RAP2A: variants seen among roughly 807,000 people sequenced by gnomAD.
RAP2A encodes the protein ras-related protein Rap-2a.
Under a neutral mutation model 15.1 loss-of-function variants are expected in RAP2A, and 5 were observed. The observed-to-expected ratio is 0.33, with a 90% CI of 0.17 to 0.70. The LOEUF is 0.70. RAP2A is among the 30% of genes least tolerant of loss of function. The probability of loss-of-function intolerance (pLI) is 0.68; values close to 1 mark genes in which losing one functional copy is unlikely to be tolerated. For missense variants in RAP2A, 111 were observed against 240.3 expected (o/e 0.46, Z 3.56); for synonymous variants, 110 against 99.7 (o/e 1.10, Z -0.62).
intron 1 of RAP2A, among the ~76,000 whole-genome samples, chr13:97,460,000 G>T (rs531561524): frequency 6.6e-6 from 1 of 152,172 alleles, no homozygotes; most frequent in Admixed American, 6.5e-5. Flanking sequence ...ACATCAGGCA[G>T]TTTTCAGTAT....
chr13:97,454,338 C>A (rs1371726558), intron 1 of RAP2A, among the ~76,000 whole-genome samples: 1 of 150,976 alleles, frequency 6.6e-6, no homozygotes, highest in East Asian at 1.9e-4. Context: ...TCAATTAGGC[C>A]CACCATTTTA....
chr13:97,460,673 C>T (rs1184657021), intron 1 of RAP2A, among the ~76,000 whole-genome samples: 1 of 152,180 alleles, frequency 6.6e-6, no homozygotes, highest in African/African-American at 2.4e-5. Flanking sequence ...CCAAATGTTA[C>T]CTTCATATGG....
At chr13:97,440,280 A>G (rs976019568) in intron 1 of RAP2A, among the ~76,000 whole-genome samples, 12 of 151,976 alleles carry the variant, frequency 7.9e-5, no homozygotes, top group African/African-American at 2.9e-4. Flanking sequence ...AGTAGGAAAA[A>G]TTTTTAATAA....
chr13:97,439,661 G>A (rs1343253707), intron 1 of RAP2A, among the ~76,000 whole-genome samples: 1 of 152,150 alleles, frequency 6.6e-6, no homozygotes, highest in Non-Finnish European at 1.5e-5. Context: ...AGGATCATCT[G>A]CGTAGTTCAG....
At chr13:97,443,324 A>G (rs925957755) in intron 1 of RAP2A, among the ~76,000 whole-genome samples, 1 of 152,230 alleles carries the variant, frequency 6.6e-6, no homozygotes, top group African/African-American at 2.4e-5. Context: ...TACTATATTA[A>G]TAATTCAATG....
chr13:97,442,214 T>G (rs937418992), intron 1 of RAP2A, among the ~76,000 whole-genome samples: 4 of 152,096 alleles, frequency 2.6e-5, no homozygotes, highest in African/African-American at 9.7e-5. Flanking sequence ...AAAACAATAT[T>G]TGAAGATTCT....
At chr13:97,453,534 C>G (rs1640390265) in intron 1 of RAP2A, among the ~76,000 whole-genome samples, 2 of 151,282 alleles carry the variant, frequency 1.3e-5, no homozygotes, top group African/African-American at 4.9e-5. Context: ...GAGATTCATC[C>G]AAGGTGTTGT....
chr13:97,459,872 C>T (rs560345270), intron 1 of RAP2A, among the ~76,000 whole-genome samples: 1 of 152,256 alleles, frequency 6.6e-6, no homozygotes, highest in Non-Finnish European at 1.5e-5. Context: ...TTTGCTTTGT[C>T]CATTGATGTA....
At chr13:97,448,495 T>G (rs1236884683) in intron 1 of RAP2A, among the ~76,000 whole-genome samples, 1 of 152,166 alleles carries the variant, frequency 6.6e-6, no homozygotes, top group East Asian at 1.9e-4. Context: ...AAAGTCATCA[T>G]CATCATCTTC....
rs577008423 is a variant in RAP2A, at chr13:97,441,272, A to G, written c.314+6488A>G. On this transcript the variant is annotated intron_variant, in intron 1 of 1. Coordinates refer to ENST00000245304, the MANE Select transcript of RAP2A (RefSeq NM_021033.7). Reference sequence around the variant, plus strand: ...GATAATTGTATCAATAAAATCTACAATAAGGAATAATTATACTAATACTTA... The same window carrying G: ...GATAATTGTATCAATAAAATCTACAGTAAGGAATAATTATACTAATACTTA... Among the ~76,000 whole-genome samples, 32 of 152,288 alleles carry G rather than the reference A, an allele frequency of 2.1e-4. 1 individual carries two copies. Among genetic ancestry groups the G allele is most frequent in the African/African-American group, 2.2e-4 (9 of 41,574 alleles).
chr13:97,454,251 C>G (rs986705976), intron 1 of RAP2A, among the ~76,000 whole-genome samples: 1 of 150,860 alleles, frequency 6.6e-6, no homozygotes, highest in African/African-American at 2.4e-5. Context: ...GGATGTAGGT[C>G]TTTTTAAAAA....
intron 1 of RAP2A, among the ~76,000 whole-genome samples, chr13:97,459,174 TACTC>T (rs2066736135): frequency 6.6e-6 from 1 of 152,198 alleles, no homozygotes; most frequent in African/African-American, 2.4e-5. Flanking sequence ...GGTGGTATCT[TACTC>T]ATGATCAGGT....
chr13:97,439,476 A>G (rs1274653781), intron 1 of RAP2A, among the ~76,000 whole-genome samples: 1 of 152,218 alleles, frequency 6.6e-6, no homozygotes, highest in Non-Finnish European at 1.5e-5. Context: ...GGAAGAGGAA[A>G]AGGTCAGAAG....
chr13:97,463,611 G>A (rs2066757633), intron 1 of RAP2A, among the ~76,000 whole-genome samples: 1 of 152,102 alleles, frequency 6.6e-6, no homozygotes. Flanking sequence ...AGAACTATTA[G>A]AACGAACATG....
At position 97,434,653 on chromosome 13, in the gene RAP2A, C is replaced by G. The variant is rs774322079; in HGVS notation, c.183C>G (p.Thr61=). The change falls in exon 1 of 2, where the codon ACC becomes ACG. Residue 61 remains threonine, a synonymous_variant. Transcript: ENST00000245304. ...TGGAGATCCTGGACACGGCGGGCACCGAGCAGTTCGCGTCCATGCGGGACC... is the reference window on the plus strand; with the variant it reads ...TGGAGATCCTGGACACGGCGGGCACGGAGCAGTTCGCGTCCATGCGGGACC... ...SVLEILDTAG[T]EQFASMRDLY... 2.5e-6 allele frequency: 4 copies of G among 1,614,130 alleles called. No individual in the cohort carries two copies. Among genetic ancestry groups the G allele is most frequent in the Non-Finnish European group, 3.4e-6 (4 of 1,180,016 alleles).
At chr13:97,453,348 A>G (rs1230673510) in intron 1 of RAP2A, among the ~76,000 whole-genome samples, 1 of 151,204 alleles carries the variant, frequency 6.6e-6, no homozygotes, top group East Asian at 1.9e-4. Context: ...GGTTGCCCTT[A>G]TAGTCACACT....
intron 1 of RAP2A, among the ~76,000 whole-genome samples, chr13:97,439,772 T>C (rs547583487): frequency 1.4e-4 from 22 of 152,156 alleles, no homozygotes; most frequent in Non-Finnish European, 2.8e-4. Flanking sequence ...TAGCCAAGGA[T>C]AGAACTCGAG....
intron 1 of RAP2A, among the ~76,000 whole-genome samples, chr13:97,458,355 C>A (rs1013310222): frequency 6.6e-6 from 1 of 152,060 alleles, no homozygotes; most frequent in Non-Finnish European, 1.5e-5. Context: ...CGATGCAGCA[C>A]CCTCAAAAGT....
At chr13:97,453,015 A>G (rs1456432348) in intron 1 of RAP2A, among the ~76,000 whole-genome samples, 3 of 151,364 alleles carry the variant, frequency 2.0e-5, no homozygotes, top group Non-Finnish European at 2.9e-5. Context: ...AAAACACTTT[A>G]TAAGTTATGT....
Sources: gnomAD v4.1 joint callset for allele counts (sites outside exome capture counted in the v4.1 genomes callset) on GRCh38, gnomAD v4.1.1 for gene constraint, MANE v1.5 for transcripts, NCBI Gene and HGNC (gene_info 2026-07-23, HGNC 2026-07-21) for gene names.